Variants in TTLL12 observed in about 807,000 individuals in gnomAD.
The protein encoded by TTLL12 is tubulin--tyrosine ligase-like protein 12.
Under a neutral mutation model 79.6 loss-of-function variants are expected in TTLL12, and 77 were observed. The ratio of observed to expected loss-of-function variants is 0.97; its 90% CI spans 0.81 to 1.17. TTLL12 has a LOEUF of 1.17. TTLL12 is among the 50% of genes most tolerant of loss of function. The pLI is 0.00. For synonymous variants in TTLL12, 437 were observed against 376.1 expected (o/e 1.16, Z -1.87); for missense variants, 969 against 895.9 (o/e 1.08, Z -1.04).
chr22:43,177,802 T>C (rs1931953208), intron 5 of TTLL12, among the ~76,000 whole-genome samples: 1 of 152,206 alleles, frequency 6.6e-6, no homozygotes, highest in Admixed American at 6.5e-5. Flanking sequence ...TGAACTCCTG[T>C]CCCACAGAAA....
At position 43,172,506 on chromosome 22, in the gene TTLL12, C is replaced by A; in HGVS notation, c.1390G>T (p.Val464Leu). 1 of 1,613,910 alleles carries A rather than the reference C, an allele frequency of 6.2e-7. No homozygotes were observed. ...CGGATGTCGAACTTGACCTTTCCCA[C>A]GTCTTCTCGAAGGAACAACACGGGA... ...ESPVLFLREDVGKVKFDIRYI... is the reference protein window; with the variant it reads ...ESPVLFLREDLGKVKFDIRYI... The change falls in exon 10 of 14, where the codon GTG becomes TTG. Residue 464 changes from valine (V) to leucine (L), a missense_variant. Coordinates refer to ENST00000216129, the MANE Select transcript of TTLL12 (RefSeq NM_015140.4).
intron 2 of TTLL12, 42 bp from the exon 3 acceptor site, chr22:43,180,982 G>T: frequency 1.3e-6 from 2 of 1,588,744 alleles, no homozygotes. Context: ...GGGTGGGCAT[G>T]GGGCAAAGGG....
intron 2 of TTLL12, 51 bp from the exon 3 acceptor site, chr22:43,180,991 G>T: frequency 6.4e-7 from 1 of 1,570,100 alleles, no homozygotes; most frequent in Non-Finnish European, 8.7e-7. Flanking sequence ...TGGGGCAAAG[G>T]GAAGTCGGGG....
At chr22:43,173,989 TGCCAGAG>T (rs978396402) in intron 8 of TTLL12, among the ~76,000 whole-genome samples, 163 bp from the exon 9 acceptor site, 2 of 152,176 alleles carry the variant, frequency 1.3e-5, no homozygotes, top group Non-Finnish European at 2.9e-5. Flanking sequence ...AGGAGGGGTT[TGCCAGAG>T]GCCAGGCAGC....
At chr22:43,174,872 A>G (rs1360809961) in intron 6 of TTLL12, among the ~76,000 whole-genome samples, 1 of 152,186 alleles carries the variant, frequency 6.6e-6, no homozygotes, top group Non-Finnish European at 1.5e-5. Context: ...TCCACCTCAC[A>G]TTTGTCATTA....
chr22:43,186,191 C>CT (rs1555982107), intron 1 of TTLL12, among the ~76,000 whole-genome samples: 1 of 130,970 alleles, frequency 7.6e-6, no homozygotes, highest in Non-Finnish European at 1.6e-5. Flanking sequence ...AAGAAAACAC[C>CT]CCCCCCCCCG....
rs1931788956 is a variant in TTLL12, at chr22:43,172,420, C to T, written c.1476G>A (p.Trp492Ter). 3.1e-6 allele frequency: 5 copies of T among 1,614,016 alleles called. No individual in the cohort carries two copies. The highest frequency in any genetic ancestry group is 2.7e-5 in the African/African-American group (2 of 74,924). The change falls in exon 10 of 14, where the codon TGG (tryptophan) becomes TGA (stop). Residue 492 changes from tryptophan (W) to a stop codon, truncating the protein, a stop_gained. Coordinates refer to ENST00000216129, the MANE Select transcript of TTLL12 (RefSeq NM_015140.4). LOFTEE classifies it high-confidence loss of function. Reference sequence around the variant, plus strand: ...CCACTTACCGGTTGGAGAACCGCAGCCAGAACACATCATACACGAACAACC... The same window carrying T: ...CCACTTACCGGTTGGAGAACCGCAGTCAGAACACATCATACACGAACAACC... ...PLRLFVYDVF[W>*]LRFSNRAFAL... is the part of the protein sequence containing the mutation.
At chr22:43,173,951 G>A in intron 8 of TTLL12, 125 bp from the exon 9 acceptor site, 1 of 958,322 alleles carries the variant, frequency 1.0e-6, no homozygotes. Flanking sequence ...GCACCAGAGA[G>A]CTGTCAGAGG....
chr22:43,171,916 G>A lies in TTLL12; in HGVS notation c.1494-16C>T. The A allele has an allele frequency of 3.1e-6, 5 of 1,612,704 alleles. No individual in the cohort carries two copies. The highest frequency in any genetic ancestry group is 4.2e-6 in the Non-Finnish European group (5 of 1,178,916). On this transcript the variant is annotated splice_polypyrimidine_tract_variant and intron_variant, in intron 10 of 13. Coordinates refer to ENST00000216129, the MANE Select transcript of TTLL12 (RefSeq NM_015140.4). Reference sequence around the variant, plus strand: ...TGCAAAGGCCCTGGAAGACAAGTGTGCAGACACATATGGGTTCTTGAGCGG... The same window carrying A: ...TGCAAAGGCCCTGGAAGACAAGTGTACAGACACATATGGGTTCTTGAGCGG...
At chr22:43,171,661 T>C (rs911311367) in intron 11 of TTLL12, 158 bp downstream of exon 11, 7 of 600,312 alleles carry the variant, frequency 1.2e-5, no homozygotes, top group African/African-American at 1.9e-5. Context: ...TGGCTCATGA[T>C]GGCAGCGCTA....
At chr22:43,186,234 T>C (rs1932183101) in intron 1 of TTLL12, among the ~76,000 whole-genome samples, 1 of 135,322 alleles carries the variant, frequency 7.4e-6, no homozygotes, top group Non-Finnish European at 1.6e-5. Flanking sequence ...CCTCAGCCTC[T>C]GGGCACGCAA....
At position 43,168,767 on chromosome 22, in the gene TTLL12, C is replaced by T; in HGVS notation, c.1783+7G>A. 6.4e-7 allele frequency: 1 copy of T among 1,553,150 alleles called. No individual in the cohort carries two copies. Among genetic ancestry groups the T allele is most frequent in the Non-Finnish European group, 8.7e-7 (1 of 1,148,966 alleles). On this transcript the variant is annotated splice_region_variant and intron_variant, in intron 13 of 13. Transcript: ENST00000216129. Reference sequence around the variant, plus strand: ...GTTTGGATCAGGAGATGGGGAGCCCCTCTTACCATCTGGGCCGTTGTCCCA... The same window carrying T: ...GTTTGGATCAGGAGATGGGGAGCCCTTCTTACCATCTGGGCCGTTGTCCCA...
chr22:43,173,916 C>T (rs1249573007), intron 8 of TTLL12, 90 bp from the exon 9 acceptor site: 1 of 1,235,846 alleles, frequency 8.1e-7, no homozygotes, highest in Non-Finnish European at 1.1e-6. Context: ...AGAGGGCAGC[C>T]CACTTCTCCT....
In TTLL12 at chr22:43,173,827, C is replaced by A; in HGVS notation, c.1230-1G>T. ...GCAGATCCAGTGGTTGTCCTCGCCCCTGGGGAGCAGAAGGGCTGTCTGGGG... is the reference window on the plus strand; with the variant it reads ...GCAGATCCAGTGGTTGTCCTCGCCCATGGGGAGCAGAAGGGCTGTCTGGGG... On this transcript the variant is annotated splice_acceptor_variant, in intron 8 of 13. Transcript: ENST00000216129. LOFTEE classifies it high-confidence loss of function. The A allele has an allele frequency of 3.1e-6, 5 of 1,602,028 alleles. No homozygotes were observed. The highest frequency in any genetic ancestry group is 4.2e-6 in the Non-Finnish European group (5 of 1,179,570).
rs759217536 is a variant in TTLL12, at chr22:43,174,270, T to A, written c.1168A>T (p.Thr390Ser). 7 of 1,610,524 alleles carry A rather than the reference T, an allele frequency of 4.3e-6. No individual in the cohort carries two copies. In the East Asian group the frequency reaches 1.3e-4, roughly 31 times the overall value. Residue 390 changes from threonine (T) to serine (S), a missense_variant, in exon 8 of 14, where the codon ACC becomes TCC. By Grantham distance (58) the Thr-to-Ser change is moderately conservative. Coordinates refer to ENST00000216129, the MANE Select transcript of TTLL12 (RefSeq NM_015140.4). ...GPEGPPWLPR[T>S]FNLRTELPQF... ...GGCAGCTCAGTGCGCAGGTTGAAGG[T>A]TCGGGGCAGCCAGGGTGGGCCCTCG...
chr22:43,173,677 G>A (rs1237305088), intron 9 of TTLL12, 38 bp downstream of exon 9: 3 of 1,580,212 alleles, frequency 1.9e-6, no homozygotes, highest in Non-Finnish European at 1.7e-6. Context: ...GTCCAGCCAG[G>A]GCCCTGAGCC....
chr22:43,183,194 C>A, intron 1 of TTLL12, 45 bp from the exon 2 acceptor site: 2 of 1,605,948 alleles, frequency 1.2e-6, no homozygotes, highest in East Asian at 2.2e-5. Flanking sequence ...GCAGGAGACC[C>A]CACCCCAATG....
intron 11 of TTLL12, chr22:43,169,942 A>G (rs907008398): frequency 4.4e-6 from 2 of 454,406 alleles, no homozygotes; most frequent in Non-Finnish European, 4.4e-6. Context: ...AGCTCAGTAC[A>G]GTGCGAAGGA....
chr22:43,174,119 C>T (rs1055933564), intron 8 of TTLL12, 90 bp downstream of exon 8: 3 of 1,489,008 alleles, frequency 2.0e-6, no homozygotes, highest in Non-Finnish European at 2.7e-6. Context: ...ACGGTTTCCA[C>T]AGTGGGTGCT....
Sources: allele counts gnomAD v4.1 joint callset (sites outside exome capture counted in the v4.1 genomes callset), GRCh38; gene constraint gnomAD v4.1.1; transcripts MANE v1.5; gene names NCBI Gene and HGNC (gene_info 2026-07-23, HGNC 2026-07-21).